GAB1: variants seen among roughly 807,000 people sequenced by gnomAD.
The protein encoded by GAB1 is GRB2 associated binding protein 1.
In GAB1, 19 loss-of-function variants were observed where a neutral mutation model predicts 66.5. The observed-to-expected ratio is 0.29, with a 90% confidence interval of 0.20 to 0.42. The LOEUF is 0.42. Among genes scored for constraint, GAB1 ranks in the 10% least tolerant of loss-of-function variants. The probability of loss-of-function intolerance (pLI) is 1.00; values close to 1 mark genes in which losing one functional copy is unlikely to be tolerated. For missense variants in GAB1, 732 were observed against 858.5 expected (o/e 0.85, Z 1.84); for synonymous variants, 294 against 301.4 (o/e 0.98, Z 0.25).
chr4:143,342,446 A>G (rs1728851213), intron 1 of GAB1, among the ~76,000 whole-genome samples: 1 of 151,262 alleles, frequency 6.6e-6, no homozygotes, highest in Non-Finnish European at 1.5e-5. Context: ...GCGTTTTTTG[A>G]GAGTAAGTAA....
chr4:143,448,667 TG>T (rs1734711413), intron 6 of GAB1, among the ~76,000 whole-genome samples: 3 of 151,956 alleles, frequency 2.0e-5, no homozygotes, highest in Admixed American at 2.0e-4. Context: ...TGCATCTATT[TG>T]ATTCTTCTCT....
chr4:143,391,077 A>G (rs1185650741), intron 1 of GAB1, among the ~76,000 whole-genome samples: 3 of 152,228 alleles, frequency 2.0e-5, no homozygotes, highest in African/African-American at 4.8e-5. Flanking sequence ...CTCAGTTACA[A>G]TTCATTCATT....
chr4:143,361,911 T>C (rs929978156), intron 1 of GAB1, among the ~76,000 whole-genome samples: 37 of 112,336 alleles, frequency 3.3e-4, no homozygotes, highest in African/African-American at 8.6e-4. Flanking sequence ...AAGTGTTGTG[T>C]GTGGTTTTTT....
chr4:143,433,678 G>T lies in GAB1; in HGVS notation c.555G>T (p.Leu185Phe). 6.2e-7 allele frequency: 1 copy of T among 1,613,964 alleles called. No individual in the cohort carries two copies. ...GIQEDPQDYL[L>F]LINCQSKKPE... ...AGGAGGATCCTCAAGACTACCTGTT[G>T]CTCATCAACTGTCAAAGCAAGAAGC... Residue 185 changes from leucine to phenylalanine, a missense_variant, in exon 3 of 10, where the codon TTG becomes TTT. By Grantham distance (22) the Leu-to-Phe change is conservative (BLOSUM62 0). Around this residue, in one of 4 missense-constraint regions of GAB1, gnomAD observed 427 missense variants for 420.6 expected, o/e 1.02. Coordinates refer to ENST00000262994, the MANE Select transcript of GAB1 (RefSeq NM_002039.4).
chr4:143,391,602 G>A (rs1036004991), intron 1 of GAB1: 1 of 150,982 alleles, frequency 6.6e-6, no homozygotes, highest in Non-Finnish European at 1.5e-5. Flanking sequence ...GGGGCACAGA[G>A]AAGCACAGAG....
chr4:143,444,467 A>T (rs908313491), intron 6 of GAB1, among the ~76,000 whole-genome samples: 4 of 152,184 alleles, frequency 2.6e-5, no homozygotes, highest in Admixed American at 1.3e-4. Flanking sequence ...TGGGGAGCAT[A>T]CAGAAGACTA....
chr4:143,423,648 G>A (rs1733141403), intron 2 of GAB1, among the ~76,000 whole-genome samples: 1 of 150,804 alleles, frequency 6.6e-6, no homozygotes, highest in South Asian at 2.1e-4. Flanking sequence ...GTGGTGGCAG[G>A]TGCCTGTAGT....
At chr4:143,453,645 G>C (rs530399046) in intron 6 of GAB1, among the ~76,000 whole-genome samples, 4 of 152,224 alleles carry the variant, frequency 2.6e-5, no homozygotes, top group Admixed American at 2.6e-4. Context: ...TTAGTTGAGA[G>C]AACTTACTGT....
intron 9 of GAB1, among the ~76,000 whole-genome samples, chr4:143,466,648 C>T (rs955115152): frequency 2.6e-5 from 4 of 151,780 alleles, no homozygotes; most frequent in East Asian, 1.9e-4. Flanking sequence ...CGCCACCACT[C>T]CTGGCTAATT....
intron 1 of GAB1, among the ~76,000 whole-genome samples, chr4:143,401,922 A>G (rs1285237951): frequency 6.6e-6 from 1 of 152,206 alleles, no homozygotes; most frequent in Non-Finnish European, 1.5e-5. Context: ...TATAGCTTAC[A>G]TGATTTTTTT....
intron 1 of GAB1, among the ~76,000 whole-genome samples, chr4:143,415,007 T>TA (rs1267378463): frequency 6.6e-6 from 1 of 151,694 alleles, no homozygotes; most frequent in South Asian, 2.1e-4. Context: ...GCCTGACAAA[T>TA]ACCATTCTGC....
At chr4:143,349,758 G>A in intron 1 of GAB1, 3 of 1,590,010 alleles carry the variant, frequency 1.9e-6, no homozygotes, top group Admixed American at 1.7e-5. Flanking sequence ...CGTGGCCATT[G>A]TAGTCCCCGA....
chr4:143,430,857 C>T (rs1733615040), intron 2 of GAB1, among the ~76,000 whole-genome samples: 1 of 152,198 alleles, frequency 6.6e-6, no homozygotes, highest in South Asian at 2.1e-4. Context: ...AATCCTTTCA[C>T]AACTTGTTTG....
chr4:143,410,509 A>T (rs941243667), intron 1 of GAB1, among the ~76,000 whole-genome samples: 1 of 152,218 alleles, frequency 6.6e-6, no homozygotes, highest in Admixed American at 6.5e-5. Flanking sequence ...TCTTGCCAGT[A>T]TGTACATACC....
chr4:143,440,203 A>C lies in GAB1; in HGVS notation c.1406A>C (p.Glu469Ala). 1 of 1,614,168 alleles carries C rather than the reference A, an allele frequency of 6.2e-7. No individual in the cohort carries two copies. The stretch of plus-strand genomic sequence containing the variant: ...AGCAGTTTTACAGAACCAATTCAGG[A>C]AGCAAATTATGTGCCAATGACTCCA... ...HSSSFTEPIQ[E>A]ANYVPMTPGT... is the part of the protein sequence containing the mutation. Residue 469 changes from glutamate to alanine, a missense_variant, in exon 6 of 10, where the codon GAA becomes GCA. Glu to Ala is a moderately radical substitution (Grantham distance 107). This residue lies in a region of GAB1 where 427 missense variants were observed against 420.6 expected (regional missense o/e 1.02). Coordinates refer to ENST00000262994, the MANE Select transcript of GAB1 (RefSeq NM_002039.4).
Position 143,438,039 on chromosome 4 carries a change from G to C in GAB1, c.634G>C (p.Asp212His), listed in dbSNP as rs748747328. Reference protein sequence around the residue: ...DSAKSTSSETDCNDNVPSHKN... With the variant: ...DSAKSTSSETHCNDNVPSHKN... Reference sequence around the variant, plus strand: ...TGCAAAATCCACCTCTTCTGAAACAGACTGCAATGATAACGTCCCTTCTCA... The same window carrying C: ...TGCAAAATCCACCTCTTCTGAAACACACTGCAATGATAACGTCCCTTCTCA... Residue 212 changes from aspartate (D) to histidine (H), a missense_variant, in exon 4 of 10, where the codon GAC becomes CAC. Asp to His is a moderately conservative substitution (Grantham distance 81, BLOSUM62 -1). Coordinates refer to ENST00000262994, the MANE Select transcript of GAB1 (RefSeq NM_002039.4). 1 of 1,613,956 alleles carries C rather than the reference G, an allele frequency of 6.2e-7. No homozygotes were observed.
At chr4:143,369,297 A>C (rs1730018158) in intron 1 of GAB1, among the ~76,000 whole-genome samples, 2 of 151,898 alleles carry the variant, frequency 1.3e-5, no homozygotes, top group Admixed American at 1.3e-4. Context: ...GGTTGGTCTC[A>C]AACTCCTGAC....
chr4:143,468,208 CT>C (rs780138131), intron 9 of GAB1, among the ~76,000 whole-genome samples: 12,998 of 70,352 alleles, frequency 0.18, 182 homozygotes, highest in Non-Finnish European at 0.22. Context: ...AGTTTGAATT[CT>C]TTTTTTTTTT....
intron 1 of GAB1, 133 bp downstream of exon 1, chr4:143,337,393 C>G: frequency 1.3e-6 from 1 of 767,278 alleles, no homozygotes; most frequent in South Asian, 1.7e-5. Flanking sequence ...CCCCTTGGCC[C>G]CTACCCCTGG....
Sources: gnomAD v4.1 joint callset for allele counts (sites outside exome capture counted in the v4.1 genomes callset) on GRCh38, gnomAD v4.1.1 for gene constraint, gnomAD v4.1.1 regional missense constraint, MANE v1.5 for transcripts, NCBI Gene and HGNC (gene_info 2026-07-23, HGNC 2026-07-21) for gene names.